EPB41L3: variants seen among roughly 807,000 people sequenced by gnomAD.
The protein encoded by EPB41L3 is erythrocyte membrane protein band 4.1 like 3.
Under a neutral mutation model 127.1 loss-of-function variants are expected in EPB41L3, and 57 were observed. The observed-to-expected ratio is 0.45, with a 90% confidence interval of 0.36 to 0.56. EPB41L3 has a LOEUF of 0.56. Among genes scored for constraint, EPB41L3 ranks in the 20% least tolerant of loss-of-function variants. EPB41L3 has a pLI of 0.00. For synonymous variants in EPB41L3, 572 were observed against 549.5 expected, an observed-to-expected ratio of 1.04 and a Z score of -0.57; for missense variants, 1,273 against 1,372.2, an observed-to-expected ratio of 0.93 and a Z score of 1.14.
intron 3 of EPB41L3, among the ~76,000 whole-genome samples, chr18:5,473,655 G>C (rs559557358): frequency 2.0e-5 from 3 of 152,042 alleles, no homozygotes; most frequent in African/African-American, 7.2e-5. Context: ...TGAGTGAGAG[G>C]ACTGTTACCT....
At chr18:5,510,037 GTTTAACAC>G (rs2092434682) in intron 1 of EPB41L3, among the ~76,000 whole-genome samples, 1 of 152,184 alleles carries the variant, frequency 6.6e-6, no homozygotes, top group African/African-American at 2.4e-5. Context: ...TGCAGAATTA[GTTTAACAC>G]TTGAGGGCTC....
intron 1 of EPB41L3, among the ~76,000 whole-genome samples, chr18:5,507,573 T>C (rs1038620275): frequency 6.6e-6 from 1 of 152,186 alleles, no homozygotes; most frequent in African/African-American, 2.4e-5. Context: ...TTTGTTTCAG[T>C]TGAAAAATGT....
intron 13 of EPB41L3, among the ~76,000 whole-genome samples, chr18:5,415,095 T>C (rs1224246554): frequency 6.6e-6 from 1 of 152,264 alleles, no homozygotes; most frequent in Admixed American, 6.5e-5. Flanking sequence ...AATTTCAGCC[T>C]GCCTTTACAT....
At chr18:5,395,846 G>A in intron 19 of EPB41L3, 139 bp from the exon 20 acceptor site, 1 of 702,070 alleles carries the variant, frequency 1.4e-6, no homozygotes, top group Non-Finnish European at 2.4e-6. Flanking sequence ...TCTGAGCGCT[G>A]CTCCCAAGAA....
chr18:5,536,198 A>G (rs1598771471), intron 1 of EPB41L3, among the ~76,000 whole-genome samples: 1 of 152,272 alleles, frequency 6.6e-6, no homozygotes, highest in Middle Eastern at 3.4e-3. Flanking sequence ...TTAGAACTCA[A>G]TATTCACACA....
At chr18:5,615,549 C>T (rs566938772) in intron 1 of EPB41L3, among the ~76,000 whole-genome samples, 8 of 152,204 alleles carry the variant, frequency 5.3e-5, no homozygotes, top group Admixed American at 2.6e-4. Context: ...CATCACCGTA[C>T]ATTCGAAAAT....
In EPB41L3 at chr18:5,579,102, T is replaced by A. The variant is rs117340900; in HGVS notation, c.-306+33238A>T. 6.6e-3 allele frequency among the ~76,000 whole-genome samples: 1,010 copies of A among 152,338 alleles called. 8 individuals carry two copies. The highest frequency in any genetic ancestry group is 0.031 in the Middle Eastern group (9 of 294). On this transcript the variant is annotated intron_variant, in intron 3 of 21. Transcript: ENST00000545076. ...ACAAAACAGATGTTATTACAGCATATCACAATGTAGATGAAACTTCACAAT... is the reference window on the plus strand; with the variant it reads ...ACAAAACAGATGTTATTACAGCATAACACAATGTAGATGAAACTTCACAAT...
intron 3 of EPB41L3, among the ~76,000 whole-genome samples, chr18:5,460,759 G>A (rs1166033235): frequency 6.6e-6 from 1 of 152,142 alleles, no homozygotes; most frequent in Admixed American, 6.5e-5. Context: ...TTTGTGGCAT[G>A]GACACCGGGT....
chr18:5,557,587 G>T (rs180722612), intron 3 of EPB41L3, among the ~76,000 whole-genome samples: 1 of 152,184 alleles, frequency 6.6e-6, no homozygotes, highest in Admixed American at 6.5e-5. Flanking sequence ...GGTTTCGCCA[G>T]GTTGGCCAGG....
chr18:5,483,957 G>T (rs1296244988), intron 2 of EPB41L3, among the ~76,000 whole-genome samples: 2 of 150,636 alleles, frequency 1.3e-5, no homozygotes, highest in African/African-American at 4.9e-5. Flanking sequence ...CTACACACTA[G>T]ATCTAACAGG....
At chr18:5,607,189 G>C (rs2094667886) in intron 3 of EPB41L3, among the ~76,000 whole-genome samples, 1 of 152,334 alleles carries the variant, frequency 6.6e-6, no homozygotes, top group Non-Finnish European at 1.5e-5. Flanking sequence ...TCGAAAGCAA[G>C]AGCGAGGCAT....
Position 5,393,185 on chromosome 18 carries a change from T to C in EPB41L3, c.*300A>G, listed in dbSNP as rs1432821838. On this transcript the variant is annotated 3_prime_UTR_variant, in exon 23 of 23. Transcript: ENST00000341928. ...AGACCACGGTTTATATTGTTGGTTA[T>C]GAACGTGCAGGTATAGCTGAAAACT... The C allele has an allele frequency of 5.7e-6, 2 of 351,982 alleles. No homozygotes were observed. The highest frequency in any genetic ancestry group is 1.0e-5 in the Non-Finnish European group (2 of 196,514). 21.8% of individuals were successfully genotyped at this position (351,982 alleles called of 1,614,324 possible).
chr18:5,395,762 A>T (rs933501842), intron 19 of EPB41L3, 55 bp from the exon 20 acceptor site: 1 of 1,383,474 alleles, frequency 7.2e-7, no homozygotes, highest in African/African-American at 1.4e-5. Flanking sequence ...TGCTCTTCAG[A>T]AGTTGGCTAC....
At chr18:5,622,951 A>ATT (rs10622515) in intron 1 of EPB41L3, among the ~76,000 whole-genome samples, 9,840 of 75,968 alleles carry the variant, frequency 0.13, 2,985 homozygotes, top group African/African-American at 0.41. Context: ...CATAATGCTG[A>ATT]TTTTTTTTTT....
At chr18:5,529,414 G>A (rs1052471727) in intron 1 of EPB41L3, among the ~76,000 whole-genome samples, 2 of 152,008 alleles carry the variant, frequency 1.3e-5, no homozygotes, top group African/African-American at 4.8e-5. Flanking sequence ...CCCTCTGTGC[G>A]CACCGCCCTC....
At chr18:5,409,237 A>T (rs2075889319) in intron 14 of EPB41L3, among the ~76,000 whole-genome samples, 1 of 152,160 alleles carries the variant, frequency 6.6e-6, no homozygotes, top group Non-Finnish European at 1.5e-5. Context: ...AAGCCTACCT[A>T]TGTTATAGGT....
intron 3 of EPB41L3, among the ~76,000 whole-genome samples, chr18:5,447,596 C>T (rs916764107): frequency 6.6e-6 from 1 of 151,998 alleles, no homozygotes; most frequent in African/African-American, 2.4e-5. Context: ...TTCACTGGAC[C>T]CTATGCCTCC....
intron 1 of EPB41L3, among the ~76,000 whole-genome samples, chr18:5,628,004 C>T (rs1241124148): frequency 6.6e-6 from 1 of 152,192 alleles, no homozygotes; most frequent in African/African-American, 2.4e-5. Flanking sequence ...AAAGTGAAGA[C>T]GGAGACTCCC....
In EPB41L3 at chr18:5,402,284, CTT is replaced by C. The variant is rs796566366; in HGVS notation, c.2350-4143_2350-4142del. ...TTAAATGTGGATTTTGTTTCTTTTC[CTT>C]TTTTTTTTGCTTTTAATCATAGCCT... On this transcript the variant is annotated intron_variant, in intron 16 of 22. Coordinates refer to ENST00000341928, the MANE Select transcript of EPB41L3 (RefSeq NM_012307.5). 3.4e-5 allele frequency among the ~76,000 whole-genome samples: 5 copies of C among 145,494 alleles called. No homozygotes were observed. The Admixed American group carries it at 3.4e-4, about 10-fold the overall frequency.
Sources: allele counts gnomAD v4.1 joint callset (sites outside exome capture counted in the v4.1 genomes callset), GRCh38; gene constraint gnomAD v4.1.1; transcripts MANE v1.5; gene names NCBI Gene and HGNC (gene_info 2026-07-23, HGNC 2026-07-21).